The following DRD3 variants were observed in gnomAD, a reference collection of about 807,000 sequenced individuals.
DRD3 encodes D(3) dopamine receptor.
DRD3 carries 19 observed loss-of-function variants against 36.3 expected under a neutral mutation model. The observed-to-expected ratio is 0.52, with a 90% CI of 0.36 to 0.77. The LOEUF (loss-of-function observed/expected upper bound fraction) is 0.77. Ranked by LOEUF, DRD3 falls within the 30% of genes least tolerant of loss-of-function variation. The pLI, the probability that DRD3 is intolerant of heterozygous loss-of-function variation, is 0.00. For synonymous variants in DRD3, 195 were observed against 203.7 expected (o/e 0.96, Z 0.36); for missense variants, 465 against 505.3 (o/e 0.92, Z 0.77).
chr3:114,174,885 G>A (rs948031816), intron 1 of DRD3, among the ~76,000 whole-genome samples: 3 of 152,100 alleles, frequency 2.0e-5, no homozygotes, highest in East Asian at 1.9e-4. Context: ...AGAGCCTAGA[G>A]AATTCATTAA....
chr3:114,140,801 C>T (rs2077517275), intron 4 of DRD3, among the ~76,000 whole-genome samples: 1 of 152,190 alleles, frequency 6.6e-6, no homozygotes, highest in Non-Finnish European at 1.5e-5. Flanking sequence ...TGTTGGTACA[C>T]CCGGCCAGTC....
At chr3:114,168,162 T>C (rs1327836316) in intron 2 of DRD3, among the ~76,000 whole-genome samples, 1 of 152,246 alleles carries the variant, frequency 6.6e-6, no homozygotes, top group Non-Finnish European at 1.5e-5. Context: ...GAGATATTTA[T>C]AGATCAAAAG....
rs201960958 is a variant in DRD3 at position 114,172,044 on chromosome 3, A to T, written c.-35-17T>A. 204 of 1,371,128 alleles carry T rather than the reference A, an allele frequency of 1.5e-4. No individual in the cohort carries two copies. Among genetic ancestry groups the T allele is most frequent in the Non-Finnish European group, 1.8e-4 (194 of 1,057,094 alleles). 84.9% of individuals were successfully genotyped at this position (1,371,128 alleles called of 1,614,324 possible). A position where few individuals can be genotyped will look rare whatever the true frequency, so the allele number is the denominator to read the frequency against. On this transcript the variant is annotated splice_polypyrimidine_tract_variant and intron_variant, in intron 1 of 6. Transcript: ENST00000383673. The stretch of plus-strand genomic sequence containing the variant: ...AGGGGCTTCCTGTGAGGAGACAGAA[A>T]ACAATATTAATAAAATCAGACTCTT...
In DRD3 at chr3:114,128,071, G is replaced by A. The variant is rs1419325538; in HGVS notation, c.*645C>T. Among the ~76,000 whole-genome samples the A allele has an allele frequency of 5.9e-5, 9 of 152,198 alleles. No individual in the cohort carries two copies. The highest frequency in any genetic ancestry group is 5.9e-4 in the Admixed American group (9 of 15,280). On this transcript the variant is annotated 3_prime_UTR_variant, in exon 7 of 7. Transcript: ENST00000383673. ...GGAATGGAATCAGAAAGCCTTCTTAGCTAAAGCTAAAATACAAGGGTAGCA... is the reference window on the plus strand; with the variant it reads ...GGAATGGAATCAGAAAGCCTTCTTAACTAAAGCTAAAATACAAGGGTAGCA...
chr3:114,169,011 G>C (rs923107961), intron 2 of DRD3, among the ~76,000 whole-genome samples: 5 of 151,810 alleles, frequency 3.3e-5, no homozygotes, highest in Non-Finnish European at 7.4e-5. Flanking sequence ...CAGCAGTCTC[G>C]GTGGTCAACA....
chr3:114,197,180 T>C (rs1161805926), intron 1 of DRD3, among the ~76,000 whole-genome samples: 1 of 151,232 alleles, frequency 6.6e-6, no homozygotes, highest in Non-Finnish European at 1.5e-5. Context: ...GGCATGATCG[T>C]AACTCACTGT....
At chr3:114,135,602 T>C (rs1019345352) in intron 5 of DRD3, among the ~76,000 whole-genome samples, 2 of 152,260 alleles carry the variant, frequency 1.3e-5, no homozygotes, top group Non-Finnish European at 2.9e-5. Context: ...TGGCATTTTC[T>C]AATAATTAAA....
intron 6 of DRD3, 53 bp downstream of exon 6, chr3:114,131,065 A>C (rs2077424880): frequency 7.6e-7 from 1 of 1,313,290 alleles, no homozygotes; most frequent in South Asian, 1.6e-5. Context: ...AGCTCCACTT[A>C]ACTTAACACA....
chr3:114,137,849 T>A (rs1577583837), intron 5 of DRD3, among the ~76,000 whole-genome samples: 2 of 105,020 alleles, frequency 1.9e-5, no homozygotes, highest in Admixed American at 1.9e-4. Context: ...AAAAAAAAAA[T>A]TAGCCGGGCG....
At chr3:114,136,036 A>G (rs2077472044) in intron 5 of DRD3, among the ~76,000 whole-genome samples, 1 of 152,066 alleles carries the variant, frequency 6.6e-6, no homozygotes, top group African/African-American at 2.4e-5. Flanking sequence ...GATCTTCTTA[A>G]AGTGACAATA....
intron 1 of DRD3, among the ~76,000 whole-genome samples, chr3:114,175,322 T>C (rs1002681920): frequency 6.6e-6 from 1 of 152,166 alleles, no homozygotes; most frequent in Admixed American, 6.5e-5. Flanking sequence ...AAGCTGCAAT[T>C]GTAAAGTATC....
chr3:114,156,722 TTTCTTTCTTTCTTTCTTTCTTTTTCTTTC>T (rs2077671810), intron 3 of DRD3, among the ~76,000 whole-genome samples: 1 of 6,708 alleles, frequency 1.5e-4, no homozygotes. Context: ...CCTGTCTTTC[TTTCTTTCTTTCTTTCTTTCTTTTTCTTTC>T]TTTCTTTCTT....
rs575269677 is a variant in DRD3, at chr3:114,170,929, A to G, written c.270+794T>C. 3.9e-5 allele frequency among the ~76,000 whole-genome samples: 6 copies of G among 152,334 alleles called. No individual in the cohort carries two copies. The East Asian group carries it at 1.2e-3, about 29-fold the overall frequency. ...GTAATTGCATGTTTTCCTGGTAAGA[A>G]TATCTGTTTCTTGAACAGATATGGT... On this transcript the variant is annotated intron_variant, in intron 2 of 6. Transcript: ENST00000383673.
chr3:114,182,589 A>G (rs545262239), upstream of DRD3, among the ~76,000 whole-genome samples: 11 of 151,836 alleles, frequency 7.2e-5, no homozygotes, highest in South Asian at 4.2e-4. Context: ...ACTACCCTCC[A>G]TCATCATCTA....
intron 5 of DRD3, among the ~76,000 whole-genome samples, chr3:114,132,995 C>CT (rs11406864): frequency 0.4 from 58,311 of 147,238 alleles, 11,235 homozygotes; most frequent in East Asian, 0.44. Flanking sequence ...AGTCCGTATT[C>CT]TTTTTTTTTT....
intron 6 of DRD3, among the ~76,000 whole-genome samples, chr3:114,129,678 G>A (rs2077409698): frequency 1.3e-5 from 2 of 152,188 alleles, no homozygotes; most frequent in African/African-American, 4.8e-5. Context: ...GAGAGTTGGG[G>A]TTTGTCAGTG....
upstream of DRD3, among the ~76,000 whole-genome samples, chr3:114,181,654 C>T (rs2077948364): frequency 6.6e-6 from 1 of 152,114 alleles, no homozygotes; most frequent in South Asian, 2.1e-4. Flanking sequence ...ATGTACTAGC[C>T]AATGGCCCTT....
intron 1 of DRD3, among the ~76,000 whole-genome samples, chr3:114,186,070 T>A (rs2077973650): frequency 6.6e-6 from 1 of 152,236 alleles, no homozygotes; most frequent in South Asian, 2.1e-4. Context: ...CGTGCAAATT[T>A]AAGGTTTCTT....
At chr3:114,196,312 T>C (rs912805389) in intron 1 of DRD3, among the ~76,000 whole-genome samples, 3 of 152,182 alleles carry the variant, frequency 2.0e-5, no homozygotes, top group African/African-American at 7.2e-5. Flanking sequence ...TTATTTCTAC[T>C]TTTTCATTTT....
Sources: allele counts gnomAD v4.1 joint callset (sites outside exome capture counted in the v4.1 genomes callset), GRCh38; gene constraint gnomAD v4.1.1; transcripts MANE v1.5; gene names NCBI Gene and HGNC (gene_info 2026-07-23, HGNC 2026-07-21).